Variants in DACH1 observed in about 807,000 individuals in gnomAD.
DACH1 encodes dachshund homolog 1.
DACH1 carries 12 observed loss-of-function variants against 54.2 expected under a neutral mutation model. The observed-to-expected ratio is 0.22, with a 90% CI of 0.14 to 0.36. The LOEUF (loss-of-function observed/expected upper bound fraction) is 0.36. DACH1 is among the 10% of genes least tolerant of loss of function. The pLI is 1.00. For synonymous variants in DACH1, 386 were observed against 366.2 expected, an observed-to-expected ratio of 1.05 and a Z score of -0.62; for missense variants, 805 against 929.8, an observed-to-expected ratio of 0.87 and a Z score of 1.75.
chr13:71,688,058 T>C (rs1190354281), intron 1 of DACH1, among the ~76,000 whole-genome samples: 2 of 152,230 alleles, frequency 1.3e-5, no homozygotes, highest in African/African-American at 2.4e-5. Flanking sequence ...ATAATTGTCC[T>C]TTTAATCTTT....
chr13:71,826,214 T>C (rs1888374100), intron 1 of DACH1, among the ~76,000 whole-genome samples: 1 of 152,170 alleles, frequency 6.6e-6, no homozygotes, highest in Non-Finnish European at 1.5e-5. Context: ...CTTTTCCTAA[T>C]CCTGATTCTG....
intron 1 of DACH1, among the ~76,000 whole-genome samples, chr13:71,689,738 G>A (rs1319337885): frequency 6.6e-6 from 1 of 152,012 alleles, no homozygotes; most frequent in South Asian, 2.1e-4. Context: ...AAAACACATT[G>A]GAATGTAACT....
intron 2 of DACH1, among the ~76,000 whole-genome samples, chr13:71,671,878 A>G (rs1044285674): frequency 1.3e-5 from 2 of 152,110 alleles, no homozygotes; most frequent in African/African-American, 4.8e-5. Flanking sequence ...ACGGAAGCCA[A>G]TGTAGACTTC....
chr13:71,727,118 A>G (rs1038582053), intron 1 of DACH1, among the ~76,000 whole-genome samples: 2 of 152,046 alleles, frequency 1.3e-5, no homozygotes, highest in Non-Finnish European at 2.9e-5. Flanking sequence ...AAAATCTACT[A>G]CTCAGGGTGC....
chr13:71,529,188 T>TTGTTTGTTTG (rs1327415744), intron 6 of DACH1, among the ~76,000 whole-genome samples: 4 of 145,822 alleles, frequency 2.7e-5, no homozygotes, highest in African/African-American at 1.0e-4. Flanking sequence ...TTTGGGTTTT[T>TTGTTTGTTTG]TTTTTTTTTT....
chr13:71,523,743 C>T (rs1435567272), intron 6 of DACH1, among the ~76,000 whole-genome samples: 1 of 151,976 alleles, frequency 6.6e-6, no homozygotes, highest in Non-Finnish European at 1.5e-5. Flanking sequence ...GTTATAAAAT[C>T]TTATTAATGT....
intron 6 of DACH1, among the ~76,000 whole-genome samples, chr13:71,537,405 T>G (rs1882876624): frequency 6.6e-6 from 1 of 152,138 alleles, no homozygotes; most frequent in Non-Finnish European, 1.5e-5. Context: ...TATGTTCGTT[T>G]CTGTGTTTAT....
At chr13:71,504,566 A>T (rs916240924) in intron 6 of DACH1, among the ~76,000 whole-genome samples, 5 of 152,156 alleles carry the variant, frequency 3.3e-5, no homozygotes, top group African/African-American at 1.2e-4. Flanking sequence ...GAGAGGTTAG[A>T]ATGGAATTTG....
At chr13:71,778,229 G>T (rs993500027) in intron 1 of DACH1, among the ~76,000 whole-genome samples, 4 of 151,984 alleles carry the variant, frequency 2.6e-5, no homozygotes, top group African/African-American at 7.2e-5. Context: ...TGCTCCAAGA[G>T]ATTAGACAAC....
intron 1 of DACH1, among the ~76,000 whole-genome samples, chr13:71,687,054 T>C (rs1365750706): frequency 6.6e-6 from 1 of 152,088 alleles, no homozygotes; most frequent in Non-Finnish European, 1.5e-5. Context: ...AAACAAGCAT[T>C]TACGAGTGAA....
chr13:71,483,535 T>C (rs949520345), intron 7 of DACH1, among the ~76,000 whole-genome samples: 1 of 147,174 alleles, frequency 6.8e-6, no homozygotes, highest in African/African-American at 2.5e-5. Context: ...TTACAATAAT[T>C]TTTATAATTA....
intron 10 of DACH1, among the ~76,000 whole-genome samples, chr13:71,452,570 A>G (rs1875166734): frequency 6.6e-6 from 1 of 152,208 alleles, no homozygotes; most frequent in African/African-American, 2.4e-5. Context: ...TTCACTGGTC[A>G]TACGGACAGT....
intron 1 of DACH1, among the ~76,000 whole-genome samples, chr13:71,743,830 T>G (rs192470595): frequency 1.3e-5 from 2 of 152,330 alleles, no homozygotes; most frequent in Non-Finnish European, 2.9e-5. Flanking sequence ...ATAAAATGAC[T>G]GAATCCCTTT....
rs1351667083 is a variant in DACH1 at position 71,486,788 on chromosome 13, AAATT to A, written c.1722+2205_1722+2208del. On this transcript the variant is annotated intron_variant, in intron 7 of 10. Coordinates refer to ENST00000613252, the MANE Select transcript of DACH1 (RefSeq NM_080759.6). ...TAAGTAAGATTGAAGCGGACAAGCT[AAATT>A]AATTAATTTATTTATTTATTTATCT... 2.3e-3 allele frequency among the ~76,000 whole-genome samples: 331 copies of A among 141,802 alleles called. 5 individuals are homozygous for A. The highest frequency in any genetic ancestry group is 8.4e-3 in the African/African-American group (321 of 38,256). 93.0% of individuals were successfully genotyped at this position (141,802 alleles called of 152,430 possible).
intron 6 of DACH1, among the ~76,000 whole-genome samples, chr13:71,524,089 A>C (rs1248008583): frequency 1.3e-5 from 2 of 152,280 alleles, no homozygotes; most frequent in Non-Finnish European, 2.9e-5. Flanking sequence ...TAATTGAACT[A>C]AAACCCTAAA....
At chr13:71,730,371 A>C (rs1883683305) in intron 1 of DACH1, among the ~76,000 whole-genome samples, 1 of 151,696 alleles carries the variant, frequency 6.6e-6, no homozygotes. Flanking sequence ...TCTTTTTCCT[A>C]GATTAAAAGC....
intron 1 of DACH1, among the ~76,000 whole-genome samples, chr13:71,736,534 A>T (rs1364107233): frequency 2.6e-5 from 4 of 152,156 alleles, no homozygotes; most frequent in Admixed American, 2.6e-4. Flanking sequence ...AGACAAATGG[A>T]ATGGGGCCCG....
chr13:71,621,384 C>T (rs751029480), intron 3 of DACH1, among the ~76,000 whole-genome samples: 37 of 152,050 alleles, frequency 2.4e-4, no homozygotes, highest in Non-Finnish European at 4.3e-4. Context: ...CATAAACAGA[C>T]TAATTAAATC....
intron 1 of DACH1, among the ~76,000 whole-genome samples, chr13:71,818,271 T>C (rs73491980): frequency 0.016 from 2,505 of 152,252 alleles, 65 homozygotes; most frequent in African/African-American, 0.056. Flanking sequence ...GGTGGCCTGA[T>C]AGAAAGTATG....
Sources: gnomAD v4.1 joint callset for allele counts (sites outside exome capture counted in the v4.1 genomes callset) on GRCh38, gnomAD v4.1.1 for gene constraint, MANE v1.5 for transcripts, NCBI Gene and HGNC (gene_info 2026-07-23, HGNC 2026-07-21) for gene names.